KIAA1217: variants seen among roughly 807,000 people sequenced by gnomAD.
KIAA1217 encodes the protein KIAA1217, also known as sickle tail protein homolog.
KIAA1217 carries 88 observed loss-of-function variants against 163.9 expected under a neutral mutation model. That is an observed-to-expected ratio of 0.54 (90% confidence interval 0.45 to 0.64). KIAA1217 has a LOEUF of 0.64. Among genes scored for constraint, KIAA1217 ranks in the 30% least tolerant of loss-of-function variants. The pLI is 0.00. For synonymous variants in KIAA1217, 903 were observed against 923.1 expected (o/e 0.98, Z 0.39); for missense variants, 2,372 against 2,475.0 (o/e 0.96, Z 0.88).
chr10:23,696,209 T>C (rs1053586659), intron 1 of KIAA1217, among the ~76,000 whole-genome samples: 1 of 152,210 alleles, frequency 6.6e-6, no homozygotes, highest in Non-Finnish European at 1.5e-5. Flanking sequence ...GGGAAAAAAG[T>C]TCTTGGAATC....
At chr10:23,749,644 A>T (rs930426330) in intron 1 of KIAA1217, among the ~76,000 whole-genome samples, 1 of 152,118 alleles carries the variant, frequency 6.6e-6, no homozygotes, top group East Asian at 1.9e-4. Context: ...TGACCTTGTG[A>T]TCTGCCCACC....
At chr10:24,180,519 G>A (rs981015135) in intron 2 of KIAA1217, among the ~76,000 whole-genome samples, 11 of 151,816 alleles carry the variant, frequency 7.2e-5, no homozygotes, top group African/African-American at 2.7e-4. Flanking sequence ...CTTGCTCTAC[G>A]ATTTTCCTCC....
intron 1 of KIAA1217, among the ~76,000 whole-genome samples, chr10:23,987,880 A>G (rs1846051193): frequency 1.3e-5 from 2 of 152,234 alleles, no homozygotes; most frequent in South Asian, 4.1e-4. Flanking sequence ...TATCTTGAAA[A>G]TATTTTAAAG....
chr10:24,202,046 C>T (rs2067290230), intron 2 of KIAA1217, among the ~76,000 whole-genome samples: 1 of 152,210 alleles, frequency 6.6e-6, no homozygotes. Flanking sequence ...ACCCCCTCAG[C>T]TCCAGGTGTG....
chr10:24,423,989 T>G (rs1344963452), intron 3 of KIAA1217, among the ~76,000 whole-genome samples: 1 of 152,046 alleles, frequency 6.6e-6, no homozygotes, highest in East Asian at 1.9e-4. Context: ...GACAGATAGA[T>G]CCTTCTTGAA....
At position 24,452,694 on chromosome 10, in the gene KIAA1217, A is replaced by G. The variant is rs1333544049; in HGVS notation, c.846+14215A>G. Among the ~76,000 whole-genome samples, 5 of 151,748 alleles carry G rather than the reference A, an allele frequency of 3.3e-5. No homozygotes were observed. In the East Asian group the frequency reaches 9.7e-4, roughly 30 times the overall value. ...AAGACTGTCTCAAAAAAAAAAAAAA[A>G]AAAAATAGAATGAATGAGACCTAGT... On this transcript the variant is annotated intron_variant, in intron 5 of 20. Coordinates refer to ENST00000376454, the MANE Select transcript of KIAA1217 (RefSeq NM_019590.5).
chr10:24,465,824 C>T (rs1027927855), intron 5 of KIAA1217, among the ~76,000 whole-genome samples: 1 of 152,168 alleles, frequency 6.6e-6, no homozygotes, highest in Non-Finnish European at 1.5e-5. Context: ...CTCTGGGGAT[C>T]GCCTACCTTC....
intron 2 of KIAA1217, among the ~76,000 whole-genome samples, chr10:24,178,185 G>A (rs142019948): frequency 7.9e-5 from 12 of 152,308 alleles, no homozygotes; most frequent in African/African-American, 2.6e-4. Flanking sequence ...TTACGTTAAT[G>A]TCACTTGCAT....
chr10:24,170,650 TATAA>T (rs1482465396), intron 2 of KIAA1217, among the ~76,000 whole-genome samples: 3 of 152,218 alleles, frequency 2.0e-5, no homozygotes, highest in Admixed American at 6.5e-5. Context: ...TCTGACGCTA[TATAA>T]ATAATCTCCA....
At chr10:24,003,061 A>C (rs1168373860) in intron 1 of KIAA1217, among the ~76,000 whole-genome samples, 2 of 152,172 alleles carry the variant, frequency 1.3e-5, no homozygotes, top group Non-Finnish European at 2.9e-5. Context: ...GGTGATGGGC[A>C]CTTCTGGTGG....
rs1164627834 is a variant in KIAA1217 at position 23,695,496 on chromosome 10, A to T, written c.-321+262A>T. ...ACTGGAGAGGAACCGGACCCCGGGG[A>T]TCTCAGAAAGGGAAGGATGTGGGGA... On this transcript the variant is annotated intron_variant, in intron 1 of 18. Transcript: ENST00000376462. This position sits in a 1 kb window ranked among gnomAD's most constrained non-coding sequence, Gnocchi z 4.9. 6.6e-6 allele frequency among the ~76,000 whole-genome samples: 1 copy of T among 152,070 alleles called. No homozygotes were observed. The highest frequency in any genetic ancestry group is 1.5e-5 in the Non-Finnish European group (1 of 68,002).
At chr10:24,149,287 C>A (rs771761337) in intron 2 of KIAA1217, among the ~76,000 whole-genome samples, 8 of 152,272 alleles carry the variant, frequency 5.3e-5, no homozygotes, top group Admixed American at 1.3e-4. Context: ...TTAAGCAATT[C>A]TCCTGCCTCA....
chr10:24,040,168 G>A (rs1313677307), intron 2 of KIAA1217, among the ~76,000 whole-genome samples: 1 of 152,176 alleles, frequency 6.6e-6, no homozygotes, highest in Admixed American at 6.5e-5. Flanking sequence ...AGCCCTCGAA[G>A]TCATGTGATT....
chr10:24,104,288 A>G (rs2062534865), intron 2 of KIAA1217, among the ~76,000 whole-genome samples: 1 of 152,344 alleles, frequency 6.6e-6, no homozygotes, highest in East Asian at 1.9e-4. Context: ...AAGTGAATGG[A>G]TAAATAAACC....
intron 1 of KIAA1217, among the ~76,000 whole-genome samples, chr10:23,872,192 A>T (rs1162188373): frequency 6.6e-6 from 1 of 152,082 alleles, no homozygotes; most frequent in African/African-American, 2.4e-5. Context: ...CAAGACAAGT[A>T]TAGAAAAGTG....
chr10:23,825,426 T>C (rs893051392), intron 1 of KIAA1217, among the ~76,000 whole-genome samples: 1 of 152,240 alleles, frequency 6.6e-6, no homozygotes, highest in African/African-American at 2.4e-5. Context: ...GTTTGCATGC[T>C]AATTAATCTA....
intron 1 of KIAA1217, among the ~76,000 whole-genome samples, chr10:23,902,278 C>A (rs186262638): frequency 4.6e-5 from 7 of 152,152 alleles, no homozygotes; most frequent in African/African-American, 1.2e-4. Context: ...AACAGAAAAC[C>A]AAATACCACA....
At chr10:24,504,188 T>C (rs1468475266) in intron 9 of KIAA1217, among the ~76,000 whole-genome samples, 2 of 152,220 alleles carry the variant, frequency 1.3e-5, no homozygotes, top group African/African-American at 4.8e-5. Context: ...AAAGAAGGTC[T>C]TTGGTCAAGG....
intron 8 of KIAA1217, among the ~76,000 whole-genome samples, chr10:24,495,797 T>A (rs950411028): frequency 1.3e-5 from 2 of 152,166 alleles, no homozygotes; most frequent in African/African-American, 4.8e-5. Flanking sequence ...AGTGTCCAGA[T>A]GGGAGAAAAA....
Sources: gnomAD v4.1 joint callset for allele counts (sites outside exome capture counted in the v4.1 genomes callset) on GRCh38, gnomAD v4.1.1 for gene constraint, Gnocchi (gnomAD v3.1) non-coding constraint, MANE v1.5 for transcripts, NCBI Gene and HGNC (gene_info 2026-07-23, HGNC 2026-07-21) for gene names.